TMEM222: variants seen among roughly 807,000 people sequenced by gnomAD.
TMEM222 encodes chromosome 1 open reading frame 160.
A neutral mutation model predicts 25.1 loss-of-function variants in TMEM222; 18 were observed. That is an observed-to-expected ratio of 0.72 (90% CI 0.50 to 1.06). TMEM222 has a LOEUF of 1.06. Among genes scored for constraint, TMEM222 ranks in the 50% least tolerant of loss-of-function variants. The pLI, the probability that TMEM222 is intolerant of heterozygous loss-of-function variation, is 0.00. For synonymous variants in TMEM222, 131 were observed against 117.9 expected (o/e 1.11, Z -0.72); for missense variants, 296 against 293.7 (o/e 1.01, Z -0.06).
At chr1:27,335,326 A>C in intron 5 of TMEM222, 53 bp from the exon 6 acceptor site, 1 of 1,574,254 alleles carries the variant, frequency 6.4e-7, no homozygotes, top group Admixed American at 1.7e-5. Flanking sequence ...TGCGGGCCGC[A>C]TGCCTGCTCA....
intron 1 of TMEM222, among the ~76,000 whole-genome samples, chr1:27,326,116 T>C (rs1557521969): frequency 6.6e-6 from 1 of 152,222 alleles, no homozygotes; most frequent in African/African-American, 2.4e-5. Flanking sequence ...CAAGTGCGAC[T>C]TGGTGAGTCT....
At chr1:27,334,711 C>T in intron 5 of TMEM222, 1 of 1,350,604 alleles carries the variant, frequency 7.4e-7, no homozygotes, top group Non-Finnish European at 9.8e-7. Context: ...CCATGGTCGC[C>T]ACAGCATGGA....
intron 1 of TMEM222, among the ~76,000 whole-genome samples, chr1:27,327,336 A>G (rs2014374741): frequency 6.6e-6 from 1 of 152,120 alleles, no homozygotes; most frequent in African/African-American, 2.4e-5. Flanking sequence ...CTCAACCCAG[A>G]TGATATCTGA....
Position 27,334,148 on chromosome 1 carries a change from C to A in TMEM222, c.409-3C>A. The A allele has an allele frequency of 6.2e-7, 1 of 1,614,178 alleles. No homozygotes were observed. Among genetic ancestry groups the A allele is most frequent in the Non-Finnish European group, 8.5e-7 (1 of 1,180,036 alleles). Reference sequence around the variant, plus strand: ...TCCTGACCAGCCCTTCTGGTGCCTCCAGCACAATCTCTGCTGTGACAACTG... The same window carrying A: ...TCCTGACCAGCCCTTCTGGTGCCTCAAGCACAATCTCTGCTGTGACAACTG... On this transcript the variant is annotated splice_region_variant and splice_polypyrimidine_tract_variant and intron_variant, in intron 4 of 5. Transcript: ENST00000374076.
At chr1:27,327,352 A>G (rs764482690) in intron 1 of TMEM222, among the ~76,000 whole-genome samples, 15 of 152,024 alleles carry the variant, frequency 9.9e-5, no homozygotes, top group South Asian at 6.2e-4. Context: ...TCTGAGCATG[A>G]CTTCACTGTT....
intron 1 of TMEM222, among the ~76,000 whole-genome samples, chr1:27,328,292 G>A (rs1269744289): frequency 1.3e-5 from 2 of 152,148 alleles, no homozygotes; most frequent in African/African-American, 2.4e-5. Flanking sequence ...AGGATTTGGC[G>A]TGTTTGAGGC....
intron 2 of TMEM222, among the ~76,000 whole-genome samples, chr1:27,331,836 T>C (rs560635901): frequency 9.9e-5 from 15 of 152,242 alleles, no homozygotes; most frequent in Non-Finnish European, 1.5e-4. Flanking sequence ...CCCCAGATCT[T>C]TGGTCTCTGA....
At chr1:27,327,554 A>G (rs1391054193) in intron 1 of TMEM222, among the ~76,000 whole-genome samples, 1 of 151,970 alleles carries the variant, frequency 6.6e-6, no homozygotes, top group Non-Finnish European at 1.5e-5. Flanking sequence ...ATGCCCATCT[A>G]ATTTTTGTAT....
At chr1:27,332,788 G>A (rs1404100395) in intron 3 of TMEM222, 3 of 493,458 alleles carry the variant, frequency 6.1e-6, no homozygotes, top group African/African-American at 3.9e-5. Flanking sequence ...GGCTTCCTCC[G>A]GCAGGCAGCA....
At chr1:27,335,109 G>A in intron 5 of TMEM222, 1 of 537,306 alleles carries the variant, frequency 1.9e-6, no homozygotes, top group South Asian at 2.2e-5. Flanking sequence ...CTAGAAATGG[G>A]GAGCATGTTT....
intron 5 of TMEM222, chr1:27,334,514 G>T: frequency 7.3e-7 from 1 of 1,373,410 alleles, no homozygotes; most frequent in Non-Finnish European, 9.7e-7. Flanking sequence ...CTTGCCTGCT[G>T]TGAGACCATG....
At position 27,335,886 on chromosome 1, in the gene TMEM222, C is replaced by T. The variant is rs2014595415; in HGVS notation, c.*420C>T. 1 of 207,652 alleles carries T rather than the reference C, an allele frequency of 4.8e-6. No homozygotes were observed. Among genetic ancestry groups the T allele is most frequent in the Non-Finnish European group, 1.0e-5 (1 of 100,212 alleles). 12.9% of individuals were successfully genotyped at this position (207,652 alleles called of 1,614,324 possible). ...CCCAGCATGGGGTGCACCGGGTACACTTAACGTGTCTCTATAAGCCAAGTT... is the reference window on the plus strand; with the variant it reads ...CCCAGCATGGGGTGCACCGGGTACATTTAACGTGTCTCTATAAGCCAAGTT... On this transcript the variant is annotated 3_prime_UTR_variant, in exon 6 of 6. Transcript: ENST00000374076.
rs41291082 is a variant in TMEM222, at chr1:27,334,833, T to C, written c.540-546T>C. The C allele has an allele frequency of 1.8e-3, 1,948 of 1,082,960 alleles. 5 individuals carry two copies. Among genetic ancestry groups the C allele is most frequent in the Non-Finnish European group, 2.1e-3 (1,875 of 876,908 alleles). 67.1% of individuals were successfully genotyped at this position (1,082,960 alleles called of 1,614,324 possible). ...TTAAGAGGTTCTGAAAAGAAGACTT[T>C]TAGGGATATTTTTAAGTACTGCATG... is the stretch of plus-strand genomic sequence containing the variant. On this transcript the variant is annotated intron_variant, in intron 5 of 5. Transcript: ENST00000374076.
Position 27,332,171 on chromosome 1 carries a change from T to A in TMEM222, c.311+70T>A, listed in dbSNP as rs964101885. The A allele has an allele frequency of 5.1e-6, 8 of 1,582,390 alleles. No homozygotes were observed. The East Asian group carries it at 1.6e-4, about 31-fold the overall frequency. On this transcript the variant is annotated intron_variant, in intron 3 of 5. Transcript: ENST00000374076. ...TCCTGCCGGGGCGGGCCAGGCCTTC[T>A]GGGGCACAGGAGGGGCCAGCACCCT...
chr1:27,335,293 T>G, intron 5 of TMEM222, 86 bp from the exon 6 acceptor site: 1 of 1,345,230 alleles, frequency 7.4e-7, no homozygotes, highest in Non-Finnish European at 1.1e-6. Flanking sequence ...GCAGCCCTAT[T>G]GGGGTCTGTG....
intron 5 of TMEM222, chr1:27,334,522 A>G: frequency 2.9e-6 from 4 of 1,392,906 alleles, no homozygotes; most frequent in Non-Finnish European, 3.8e-6. Flanking sequence ...CTGTGAGACC[A>G]TGGGCAACTG....
At chr1:27,327,154 G>A (rs1034304464) in intron 1 of TMEM222, among the ~76,000 whole-genome samples, 1 of 152,050 alleles carries the variant, frequency 6.6e-6, no homozygotes, top group African/African-American at 2.4e-5. Context: ...CTTATGTATT[G>A]AACACCTCGA....
chr1:27,331,788 T>C (rs1212369752), intron 2 of TMEM222, among the ~76,000 whole-genome samples: 1 of 152,216 alleles, frequency 6.6e-6, no homozygotes, highest in Non-Finnish European at 1.5e-5. Context: ...GGCAAGAGAA[T>C]TCCTGGGTGC....
intron 3 of TMEM222, chr1:27,333,640 C>A: frequency 2.4e-6 from 1 of 411,288 alleles, no homozygotes; most frequent in Non-Finnish European, 4.6e-6. Context: ...ACCCCATGGC[C>A]TAATCACCTC....
Sources: allele counts gnomAD v4.1 joint callset (sites outside exome capture counted in the v4.1 genomes callset), GRCh38; gene constraint gnomAD v4.1.1; transcripts MANE v1.5; gene names NCBI Gene and HGNC (gene_info 2026-07-23, HGNC 2026-07-21).